ANK3: variants seen among roughly 807,000 people sequenced by gnomAD.
ANK3 encodes the protein ankyrin-3.
Under a neutral mutation model 370.9 loss-of-function variants are expected in ANK3, and 57 were observed. The ratio of observed to expected loss-of-function variants is 0.15; its 90% CI spans 0.12 to 0.19. ANK3 has a LOEUF of 0.19. ANK3 is among the 10% of genes least tolerant of loss of function. ANK3 has a pLI of 1.00. For synonymous variants in ANK3, 1,929 were observed against 1,946.3 expected (o/e 0.99, Z 0.23); for missense variants, 4,439 against 5,302.1 (o/e 0.84, Z 5.06).
At chr10:60,527,428 G>T (rs1160294912) in intron 2 of ANK3, among the ~76,000 whole-genome samples, 1 of 151,836 alleles carries the variant, frequency 6.6e-6, no homozygotes, top group African/African-American at 2.4e-5. Context: ...GAGAGAGAAG[G>T]GTTCAGAAAT....
chr10:60,057,769 C>A (rs2079505966), intron 41 of ANK3, among the ~76,000 whole-genome samples: 1 of 152,164 alleles, frequency 6.6e-6, no homozygotes, highest in South Asian at 2.1e-4. Context: ...ATGATGAACA[C>A]CTTTCCTATA....
chr10:60,646,128 G>C (rs1002694417), intron 1 of ANK3, among the ~76,000 whole-genome samples: 1 of 151,940 alleles, frequency 6.6e-6, no homozygotes, highest in Non-Finnish European at 1.5e-5. Context: ...AATATCAGCA[G>C]GCAGGGAGCC....
chr10:60,401,464 C>T (rs1220763305), intron 2 of ANK3, among the ~76,000 whole-genome samples: 1 of 152,084 alleles, frequency 6.6e-6, no homozygotes, highest in East Asian at 1.9e-4. Flanking sequence ...AAAATTTCAG[C>T]TAGGAAGAAT....
At chr10:60,653,308 C>T (rs1006106713) in intron 1 of ANK3, among the ~76,000 whole-genome samples, 25 of 152,002 alleles carry the variant, frequency 1.6e-4, no homozygotes, top group Admixed American at 8.5e-4. Context: ...GGTTACAATA[C>T]GTTAGGGTTA....
chr10:60,363,346 C>T (rs1166315326), intron 1 of ANK3, among the ~76,000 whole-genome samples: 2 of 152,146 alleles, frequency 1.3e-5, no homozygotes, highest in Non-Finnish European at 2.9e-5. Context: ...AAAGAAACCC[C>T]TCTTTGTTTA....
At chr10:60,685,225 T>C in intron 1 of ANK3, 1 of 331,244 alleles carries the variant, frequency 3.0e-6, no homozygotes, top group South Asian at 3.2e-5. Context: ...TGCCTAACTC[T>C]GTTGATTTGT....
intron 7 of ANK3, among the ~76,000 whole-genome samples, chr10:60,242,637 G>C (rs918090249): frequency 6.6e-6 from 1 of 152,154 alleles, no homozygotes; most frequent in African/African-American, 2.4e-5. Flanking sequence ...CTGAGAATGT[G>C]CCTTATCCTT....
At position 60,347,025 on chromosome 10, in the gene ANK3, GTA is replaced by G. The variant is rs1491026372; in HGVS notation, c.114+42398_114+42399del. Among the ~76,000 whole-genome samples, 3 of 62,774 alleles carry G rather than the reference GTA, an allele frequency of 4.8e-5. No homozygotes were observed. The South Asian group carries it at 5.0e-3, about 104-fold the overall frequency. The allele number at this position is 62,774 out of a possible 152,430, so 41.2% of individuals were successfully genotyped here. ...TTTTTAGTTTCTATCTAGTATGTAT[GTA>G]CAGTACTGCATTAGCAAGAAATATA... is the stretch of plus-strand genomic sequence containing the variant. On this transcript the variant is annotated intron_variant, in intron 1 of 43. Coordinates refer to ENST00000280772, the MANE Select transcript of ANK3 (RefSeq NM_020987.5).
chr10:60,066,460 T>G (rs898228870), intron 38 of ANK3, among the ~76,000 whole-genome samples: 4 of 152,178 alleles, frequency 2.6e-5, no homozygotes, highest in African/African-American at 9.7e-5. Flanking sequence ...TACTGTTAAC[T>G]CTCAACTGCC....
rs1457345299 is a variant in ANK3, at chr10:60,470,507, C to T, written c.96+144679G>A. Among the ~76,000 whole-genome samples, 14 of 152,148 alleles carry T rather than the reference C, an allele frequency of 9.2e-5. No homozygotes were observed. In the South Asian group the frequency reaches 2.7e-3, roughly 29 times the overall value. On this transcript the variant is annotated intron_variant, in intron 2 of 43. Transcript: ENST00000373827. ...AAAAGCCCTAGCAATTCACTGTCTC[C>T]TAGTACAAAAATAGAGAATGTCAGA... is the stretch of plus-strand genomic sequence containing the variant.
In ANK3 at chr10:60,068,971, G is replaced by GGTGGTA. The variant is rs1564747083; in HGVS notation, c.11909_11910insTACCAC (p.Thr3977_Thr3978dup). 3 of 1,610,186 alleles carry GGTGGTA rather than the reference G, an allele frequency of 1.9e-6. No homozygotes were observed. In the African/African-American group the frequency reaches 4.0e-5, roughly 22 times the overall value. ...TGGTGGTGGTGGTAGTGGTGGTAGTGGTGGTGGTGGTGGCAGTGGTGGTGG... is the reference window on the plus strand; with the variant it reads ...TGGTGGTGGTGGTAGTGGTGGTAGTGGTGGTAGTGGTGGTGGTGGCAGTGGTGGTGG... On this transcript the variant is annotated inframe_insertion, in exon 37 of 44. Coordinates refer to ENST00000280772, the MANE Select transcript of ANK3 (RefSeq NM_020987.5).
At chr10:60,084,496 T>A in intron 32 of ANK3, 106 bp downstream of exon 32, 1 of 690,766 alleles carries the variant, frequency 1.4e-6, no homozygotes, top group Non-Finnish European at 2.3e-6. Context: ...AAAAGTAAAA[T>A]CAATAATGCA....
intron 43 of ANK3, among the ~76,000 whole-genome samples, chr10:60,038,839 T>C (rs1284682858): frequency 1.3e-5 from 2 of 152,222 alleles, no homozygotes; most frequent in Middle Eastern, 3.2e-3. Context: ...TCTTCAACTA[T>C]GTTAGGCCTT....
chr10:60,672,511 A>T (rs2079074547), intron 1 of ANK3, among the ~76,000 whole-genome samples: 1 of 152,196 alleles, frequency 6.6e-6, no homozygotes, highest in Admixed American at 6.5e-5. Flanking sequence ...CAGCTTGACA[A>T]CACATCCATG....
chr10:60,541,814 G>A (rs1236530172), intron 2 of ANK3, among the ~76,000 whole-genome samples: 1 of 151,898 alleles, frequency 6.6e-6, no homozygotes, highest in Non-Finnish European at 1.5e-5. Flanking sequence ...GCTAAATTGG[G>A]AAATCACTGT....
At chr10:60,200,280 T>C (rs766976377) in intron 12 of ANK3, 53 bp from the exon 13 acceptor site, 24 of 1,403,132 alleles carry the variant, frequency 1.7e-5, no homozygotes, top group Non-Finnish European at 2.4e-5. Context: ...AAGAGTAGTG[T>C]ATTTTATTTG....
chr10:60,732,677 CA>C (rs945685912), intron 1 of ANK3, among the ~76,000 whole-genome samples: 1 of 151,840 alleles, frequency 6.6e-6, no homozygotes, highest in Non-Finnish European at 1.5e-5. Context: ...GACTCACTTT[CA>C]AAAAAGAAAA....
chr10:60,715,105 C>G (rs564705655), intron 1 of ANK3, among the ~76,000 whole-genome samples: 10 of 151,942 alleles, frequency 6.6e-5, no homozygotes, highest in Admixed American at 4.6e-4. Flanking sequence ...TATGGGAACA[C>G]TCTACATTTT....
chr10:60,340,269 T>C (rs2053947296), intron 1 of ANK3, among the ~76,000 whole-genome samples: 1 of 152,174 alleles, frequency 6.6e-6, no homozygotes, highest in African/African-American at 2.4e-5. Context: ...AGTACTGAAT[T>C]ATCCAGAGTA....
Sources: gnomAD v4.1 joint callset for allele counts (sites outside exome capture counted in the v4.1 genomes callset) on GRCh38, gnomAD v4.1.1 for gene constraint, MANE v1.5 for transcripts, NCBI Gene and HGNC (gene_info 2026-07-23, HGNC 2026-07-21) for gene names.